Variants in NOS1AP observed in about 807,000 individuals in gnomAD.
NOS1AP encodes the protein carboxyl-terminal PDZ ligand of neuronal nitric oxide synthase protein.
In NOS1AP, 21 loss-of-function variants were observed where a neutral mutation model predicts 56.2. The ratio of observed to expected loss-of-function variants is 0.37; its 90% CI spans 0.26 to 0.54. NOS1AP has a LOEUF of 0.54. NOS1AP is among the 20% of genes least tolerant of loss of function. The pLI is 0.84. For synonymous variants in NOS1AP, 270 were observed against 274.6 expected (o/e 0.98, Z 0.17); for missense variants, 522 against 657.8 (o/e 0.79, Z 2.26).
At chr1:162,365,016 C>G in intron 8 of NOS1AP, 1 of 1,083,130 alleles carries the variant, frequency 9.2e-7, no homozygotes, top group Non-Finnish European at 1.1e-6. Flanking sequence ...GCATGCCATG[C>G]TAGGTGCTGA....
chr1:162,090,060 A>G (rs1430915118), intron 1 of NOS1AP, among the ~76,000 whole-genome samples: 1 of 152,194 alleles, frequency 6.6e-6, no homozygotes, highest in Non-Finnish European at 1.5e-5. Context: ...ACTTACTACC[A>G]AAACTTACAT....
At chr1:162,263,552 G>T (rs967404584) in intron 2 of NOS1AP, among the ~76,000 whole-genome samples, 6 of 152,034 alleles carry the variant, frequency 3.9e-5, no homozygotes, top group African/African-American at 1.4e-4. Context: ...CTGTATAATG[G>T]CATTTTCCTA....
chr1:162,130,296 A>G lies in NOS1AP; in HGVS notation c.106-24109A>G, dbSNP rs774666577. 2.2e-4 allele frequency among the ~76,000 whole-genome samples: 33 copies of G among 152,246 alleles called. 1 individual carries two copies. The highest frequency in any genetic ancestry group is 4.6e-4 in the Non-Finnish European group (31 of 68,044). ...AGATCTCTCAGCCTGTAAGTGGCAG[A>G]ACTAGGATTTGAATTCAGGTCTTTC... On this transcript the variant is annotated intron_variant, in intron 1 of 9. Transcript: ENST00000361897.
rs566791225 is a variant in NOS1AP at position 162,251,881 on chromosome 1, T to G, written c.178-35463T>G. On this transcript the variant is annotated intron_variant, in intron 2 of 9. Coordinates refer to ENST00000361897, the MANE Select transcript of NOS1AP (RefSeq NM_014697.3). ...TGTTTTTTTTTTTGTTTTTTTTTTTTTTTTTTTTGTGGAGACAAGGTCCCA... is the reference window on the plus strand; with the variant it reads ...TGTTTTTTTTTTTGTTTTTTTTTTTGTTTTTTTTGTGGAGACAAGGTCCCA... Among the ~76,000 whole-genome samples, 76 of 141,904 alleles carry G rather than the reference T, an allele frequency of 5.4e-4. 4 individuals are homozygous for G. The South Asian group carries it at 0.017, about 31-fold the overall frequency. The allele number at this position is 141,904 out of a possible 152,430, so 93.1% of individuals were successfully genotyped here. A position where few individuals can be genotyped will look rare whatever the true frequency, so the allele number is the denominator to read the frequency against.
At chr1:162,104,691 A>G (rs777174431) in intron 1 of NOS1AP, among the ~76,000 whole-genome samples, 1 of 151,694 alleles carries the variant, frequency 6.6e-6, no homozygotes, top group African/African-American at 2.4e-5. Flanking sequence ...CACTTGGTCT[A>G]TTCTGCTACT....
chr1:162,293,144 G>A (rs1201456357), intron 3 of NOS1AP, among the ~76,000 whole-genome samples: 1 of 152,204 alleles, frequency 6.6e-6, no homozygotes, highest in Non-Finnish European at 1.5e-5. Context: ...ACCTGAAGGA[G>A]AGAGATAGCT....
intron 5 of NOS1AP, among the ~76,000 whole-genome samples, chr1:162,333,488 G>T (rs1656841825): frequency 6.6e-6 from 1 of 152,150 alleles, no homozygotes; most frequent in African/African-American, 2.4e-5. Context: ...TACAAAATAT[G>T]AATACACATG....
At chr1:162,348,976 G>A (rs1657394220) in intron 6 of NOS1AP, among the ~76,000 whole-genome samples, 1 of 152,078 alleles carries the variant, frequency 6.6e-6, no homozygotes, top group African/African-American at 2.4e-5. Flanking sequence ...ACCTGAGGTC[G>A]GGAGTTCAAG....
At chr1:162,318,128 C>T (rs1018389585) in intron 4 of NOS1AP, among the ~76,000 whole-genome samples, 4 of 152,164 alleles carry the variant, frequency 2.6e-5, no homozygotes, top group African/African-American at 9.7e-5. Flanking sequence ...CTTGAGCCAT[C>T]ATTTTCCCTA....
intron 1 of NOS1AP, among the ~76,000 whole-genome samples, chr1:162,130,846 C>T (rs1259066554): frequency 6.6e-6 from 1 of 152,186 alleles, no homozygotes; most frequent in African/African-American, 2.4e-5. Context: ...GTTACTAATT[C>T]TCAGTCCTTA....
At chr1:162,258,585 T>C (rs891998618) in intron 2 of NOS1AP, among the ~76,000 whole-genome samples, 1 of 152,208 alleles carries the variant, frequency 6.6e-6, no homozygotes, top group African/African-American at 2.4e-5. Flanking sequence ...CAGCTCCAGA[T>C]ATTTCTCTCC....
intron 2 of NOS1AP, among the ~76,000 whole-genome samples, chr1:162,251,874 T>G (rs1484341933): frequency 1.6e-4 from 22 of 135,420 alleles, no homozygotes; most frequent in African/African-American, 5.8e-4. Flanking sequence ...TTTTTGTTTT[T>G]TTTTTTTTTT....
At chr1:162,335,453 A>C (rs752107045) in intron 5 of NOS1AP, among the ~76,000 whole-genome samples, 1 of 152,268 alleles carries the variant, frequency 6.6e-6, no homozygotes, top group Non-Finnish European at 1.5e-5. Context: ...CCTTCTGCTT[A>C]GCCTCCAAAC....
At chr1:162,072,130 C>A (rs1049959886) in intron 1 of NOS1AP, among the ~76,000 whole-genome samples, 1 of 149,318 alleles carries the variant, frequency 6.7e-6, no homozygotes, top group African/African-American at 2.5e-5. Flanking sequence ...TATTTTAAGC[C>A]TTTTTATTTT....
chr1:162,153,034 G>T (rs749131240), intron 1 of NOS1AP, among the ~76,000 whole-genome samples: 1 of 152,176 alleles, frequency 6.6e-6, no homozygotes, highest in African/African-American at 2.4e-5. Flanking sequence ...ATATGAAGGC[G>T]CTCATGTCAT....
At position 162,178,565 on chromosome 1, in the gene NOS1AP, T is replaced by TAGTAGCTAGTA. The variant is rs532766578; in HGVS notation, c.177+24091_177+24092insTAGCTAGTAAG. Among the ~76,000 whole-genome samples, 1,116 of 152,274 alleles carry TAGTAGCTAGTA rather than the reference T, an allele frequency of 7.3e-3. 8 individuals carry two copies. Among genetic ancestry groups the TAGTAGCTAGTA allele is most frequent in the Non-Finnish European group, 9.7e-3 (662 of 68,006 alleles). ...TGAGGAGACTCAGGCACAGGAGGGC[T>TAGTAGCTAGTA]AGGTAGCTAGTAAGTGACAGCTGGC... On this transcript the variant is annotated intron_variant, in intron 2 of 9. Transcript: ENST00000361897.
At chr1:162,239,900 C>T (rs1012169106) in intron 2 of NOS1AP, among the ~76,000 whole-genome samples, 6 of 152,148 alleles carry the variant, frequency 3.9e-5, no homozygotes, top group Non-Finnish European at 8.8e-5. Context: ...CAAAATAATT[C>T]CAGGAAGTAA....
intron 2 of NOS1AP, among the ~76,000 whole-genome samples, chr1:162,229,403 A>G (rs770167981): frequency 1.1e-4 from 16 of 152,200 alleles, no homozygotes; most frequent in South Asian, 4.1e-4. Context: ...ATGTTTTCCT[A>G]TGGCCAATTA....
intron 8 of NOS1AP, chr1:162,364,139 C>T (rs758509782): frequency 1.6e-5 from 16 of 985,324 alleles, no homozygotes; most frequent in Non-Finnish European, 1.9e-5. Flanking sequence ...GCAAACTCCT[C>T]TTCAGAAATT....
Sources: gnomAD v4.1 joint callset for allele counts (sites outside exome capture counted in the v4.1 genomes callset) on GRCh38, gnomAD v4.1.1 for gene constraint, MANE v1.5 for transcripts, NCBI Gene and HGNC (gene_info 2026-07-23, HGNC 2026-07-21) for gene names.